Variants in MYO1E observed in about 807,000 individuals in gnomAD.
MYO1E encodes myosin IE, also known as unconventional myosin-Ie.
MYO1E carries 68 observed loss-of-function variants against 151.1 expected under a neutral mutation model. The ratio of observed to expected loss-of-function variants is 0.45; its 90% CI spans 0.37 to 0.55. The LOEUF is 0.55. MYO1E is among the 20% of genes least tolerant of loss of function. The pLI is 0.00. For missense variants in MYO1E, 1,363 were observed against 1,389.3 expected (o/e 0.98, Z 0.30); for synonymous variants, 601 against 501.7 (o/e 1.20, Z -2.64).
At chr15:59,166,552 GT>G (rs112870230) in intron 22 of MYO1E, among the ~76,000 whole-genome samples, 43 of 141,088 alleles carry the variant, frequency 3.0e-4, no homozygotes, top group Middle Eastern at 3.6e-3. Flanking sequence ...AAGGAGTTTT[GT>G]TTTTTTTTTT....
rs1312503153 is a variant in MYO1E at position 59,174,192 on chromosome 15, G to A, written c.2098C>T (p.Arg700Ter). The change falls in exon 20 of 28, where the codon CGA (arginine) becomes TGA (stop). Residue 700 changes from arginine to a stop codon, truncating the protein, a stop_gained. Coordinates refer to ENST00000288235, the MANE Select transcript of MYO1E (RefSeq NM_004998.4). LOFTEE classifies it high-confidence loss of function. ...MRERKYDGYA[R>*]VIQKSWRKFV... is the part of the protein sequence containing the mutation. The stretch of plus-strand genomic sequence containing the variant: ...TTCCTCCATGATTTCTGTATCACTC[G>A]AGCATACCCATCATACTTTCTCTCT... The A allele has an allele frequency of 7.4e-6, 12 of 1,613,894 alleles. No homozygotes were observed. The highest frequency in any genetic ancestry group is 9.3e-6 in the Non-Finnish European group (11 of 1,179,938).
In MYO1E at chr15:59,247,671, A is replaced by G. The variant is rs543042902; in HGVS notation, c.332+8613T>C. ...AGCCTTAGCCCTGGCTTTTAAGCAG[A>G]GTGAGCTGGGGGAGCTTGAAAAAAG... On this transcript the variant is annotated intron_variant, in intron 4 of 27. Transcript: ENST00000288235. Among the ~76,000 whole-genome samples, 94 of 152,304 alleles carry G rather than the reference A, an allele frequency of 6.2e-4. 2 individuals carry two copies. The South Asian group carries it at 0.017, about 28-fold the overall frequency.
Position 59,188,677 on chromosome 15 carries a change from C to G in MYO1E, c.1806-461G>C, listed in dbSNP as rs1407867828. On this transcript the variant is annotated intron_variant, in intron 17 of 27. Transcript: ENST00000288235. ...CACCACTGCACTCCAGCCTGCATGA[C>G]AGAGTGAGACTCCGTCTCAGAAATA... 4.6e-5 allele frequency among the ~76,000 whole-genome samples: 7 copies of G among 152,204 alleles called. No homozygotes were observed. In the East Asian group the frequency reaches 1.2e-3, roughly 25 times the overall value.
chr15:59,171,044 T>A (rs1596350361), intron 22 of MYO1E: 1 of 155,584 alleles, frequency 6.4e-6, no homozygotes, highest in Admixed American at 6.5e-5. Flanking sequence ...ACACGATTCT[T>A]GGAGGAAGCT....
At chr15:59,310,505 G>A (rs1174167885) in intron 1 of MYO1E, among the ~76,000 whole-genome samples, 1 of 152,112 alleles carries the variant, frequency 6.6e-6, no homozygotes, top group Non-Finnish European at 1.5e-5. Context: ...AGAGATTGGG[G>A]CGACACAGCC....
intron 16 of MYO1E, among the ~76,000 whole-genome samples, chr15:59,200,679 C>T (rs2079795721): frequency 6.6e-6 from 1 of 152,146 alleles, no homozygotes. Flanking sequence ...AGGAAAGGGG[C>T]TAATGGGAAA....
At chr15:59,168,750 A>T (rs2079575584) in intron 22 of MYO1E, among the ~76,000 whole-genome samples, 2 of 152,060 alleles carry the variant, frequency 1.3e-5, no homozygotes, top group Admixed American at 1.3e-4. Flanking sequence ...CTTCCTGAGT[A>T]GCTGGGACCA....
intron 22 of MYO1E, among the ~76,000 whole-genome samples, chr15:59,169,980 T>C (rs1299602216): frequency 6.6e-6 from 1 of 151,988 alleles, no homozygotes; most frequent in Admixed American, 6.6e-5. Context: ...GCCAACGTGG[T>C]GAAACCTTGT....
At chr15:59,190,737 T>C (rs1232371437) in intron 17 of MYO1E, among the ~76,000 whole-genome samples, 1 of 152,210 alleles carries the variant, frequency 6.6e-6, no homozygotes, top group Non-Finnish European at 1.5e-5. Context: ...GTACTTTCTA[T>C]GGAAAGCACT....
At chr15:59,291,302 A>G (rs897526280) in intron 1 of MYO1E, among the ~76,000 whole-genome samples, 1 of 152,134 alleles carries the variant, frequency 6.6e-6, no homozygotes, top group East Asian at 1.9e-4. Context: ...AGTTGGACCA[A>G]AAACACAGTA....
At chr15:59,321,897 G>A (rs2080628667) in intron 1 of MYO1E, among the ~76,000 whole-genome samples, 1 of 152,016 alleles carries the variant, frequency 6.6e-6, no homozygotes, top group East Asian at 1.9e-4. Flanking sequence ...AACTGGCAGG[G>A]TGCAGTGGCA....
At chr15:59,310,286 T>C (rs1469665698) in intron 1 of MYO1E, among the ~76,000 whole-genome samples, 2 of 152,142 alleles carry the variant, frequency 1.3e-5, no homozygotes, top group African/African-American at 4.8e-5. Flanking sequence ...CTGTTGTGGG[T>C]TGCACTGTGT....
At chr15:59,262,937 G>A (rs370676214) in intron 2 of MYO1E, among the ~76,000 whole-genome samples, 24 of 151,726 alleles carry the variant, frequency 1.6e-4, no homozygotes, top group East Asian at 1.4e-3. Flanking sequence ...TTAGATGCTC[G>A]GGATATGACA....
chr15:59,324,091 T>C (rs2080646656), intron 1 of MYO1E, among the ~76,000 whole-genome samples: 2 of 152,128 alleles, frequency 1.3e-5, no homozygotes, highest in African/African-American at 4.8e-5. Flanking sequence ...AGGACCCACT[T>C]TGGCCACAAA....
chr15:59,281,994 T>C (rs760988622), intron 1 of MYO1E, among the ~76,000 whole-genome samples: 6 of 152,100 alleles, frequency 3.9e-5, no homozygotes, highest in Middle Eastern at 3.4e-3. Context: ...AAGAGAAATA[T>C]TGTAAAATAC....
chr15:59,159,345 T>C lies in MYO1E; in HGVS notation c.2786-966A>G, dbSNP rs1179748068. Among the ~76,000 whole-genome samples the C allele has an allele frequency of 6.6e-6, 1 of 152,270 alleles. No individual in the cohort carries two copies. Among genetic ancestry groups the C allele is most frequent in the Non-Finnish European group, 1.5e-5 (1 of 68,044 alleles). ...GGGGGCCCGCCGCACAAACATAGCC[T>C]GCTGGTTATTTGCAGCCTTTCTTTG... is the stretch of plus-strand genomic sequence containing the variant. On this transcript the variant is annotated intron_variant, in intron 24 of 27. Coordinates refer to ENST00000288235, the MANE Select transcript of MYO1E (RefSeq NM_004998.4). The surrounding 1 kb of genome is among the most constrained non-coding windows in gnomAD (Gnocchi z 4.4).
At chr15:59,192,084 C>T (rs1271850641) in intron 17 of MYO1E, among the ~76,000 whole-genome samples, 1 of 152,160 alleles carries the variant, frequency 6.6e-6, no homozygotes, top group Non-Finnish European at 1.5e-5. Context: ...AAGCACACTG[C>T]CCTTTCACGG....
chr15:59,208,569 C>G (rs1388385580), intron 14 of MYO1E, 112 bp downstream of exon 14: 1 of 1,317,304 alleles, frequency 7.6e-7, no homozygotes, highest in Admixed American at 1.7e-5. Flanking sequence ...TAATAAATTC[C>G]GTTTGTTGAA....
At chr15:59,260,819 G>GGAAGCA (rs1372608338) in intron 3 of MYO1E, among the ~76,000 whole-genome samples, 13 of 152,134 alleles carry the variant, frequency 8.5e-5, no homozygotes, top group Admixed American at 7.8e-4. Flanking sequence ...TGGCATATAT[G>GGAAGCA]GAAGCAGGAA....
Sources: gnomAD v4.1 joint callset for allele counts (sites outside exome capture counted in the v4.1 genomes callset) on GRCh38, gnomAD v4.1.1 for gene constraint, Gnocchi (gnomAD v3.1) non-coding constraint, MANE v1.5 for transcripts, NCBI Gene and HGNC (gene_info 2026-07-23, HGNC 2026-07-21) for gene names.